Variants in KCNAB2 observed in about 807,000 individuals in gnomAD.
The protein encoded by KCNAB2 is voltage-gated potassium channel subunit beta-2.
A neutral mutation model predicts 63.6 loss-of-function variants in KCNAB2; 29 were observed. That is an observed-to-expected ratio of 0.46 (90% CI 0.34 to 0.62). The LOEUF (loss-of-function observed/expected upper bound fraction) is 0.62. Among genes scored for constraint, KCNAB2 ranks in the 20% least tolerant of loss-of-function variants. KCNAB2 has a pLI of 0.01. For missense variants in KCNAB2, 359 were observed against 563.9 expected (o/e 0.64, Z 3.68); for synonymous variants, 222 against 224.2 (o/e 0.99, Z 0.09).
chr1:6,094,283 C>T, intron 10 of KCNAB2, 117 bp from the exon 11 acceptor site: 3 of 724,730 alleles, frequency 4.1e-6, no homozygotes, highest in Non-Finnish European at 7.1e-6. Context: ...GCTTGCAAGA[C>T]ATCTTCGCAG....
intron 4 of KCNAB2, among the ~76,000 whole-genome samples, chr1:6,077,599 C>G (rs76340057): frequency 1.3e-5 from 2 of 152,208 alleles, no homozygotes; most frequent in Non-Finnish European, 2.9e-5. Flanking sequence ...TGTGATTGGC[C>G]GGGCTTTCCT....
At chr1:6,060,865 T>G (rs1214236091) in intron 2 of KCNAB2, among the ~76,000 whole-genome samples, 1 of 136,328 alleles carries the variant, frequency 7.3e-6, no homozygotes, top group Non-Finnish European at 1.5e-5. Context: ...GTCGCACCAC[T>G]GCACTCCAGC....
At position 6,088,972 on chromosome 1, in the gene KCNAB2, G is replaced by A. The variant is rs375660255; in HGVS notation, c.471-36G>A. On this transcript the variant is annotated intron_variant, in intron 7 of 15. Transcript: ENST00000378083. ...TGGGAGGGGCCAGGGTGCCAAAACC[G>A]CTGGTGACATCACACGCGGTCGGCC... is the stretch of plus-strand genomic sequence containing the variant. 8.6e-4 allele frequency: 1,323 copies of A among 1,545,728 alleles called. 1 individual carries two copies. Among genetic ancestry groups the A allele is most frequent in the Non-Finnish European group, 1.1e-3 (1,231 of 1,143,808 alleles).
In KCNAB2 at chr1:6,074,105, C is replaced by T. The variant is rs146464256; in HGVS notation, c.300+335C>T. Among the ~76,000 whole-genome samples the T allele has an allele frequency of 1.8e-3, 268 of 152,340 alleles. No individual in the cohort carries two copies. Among genetic ancestry groups the T allele is most frequent in the African/African-American group, 5.8e-3 (242 of 41,582 alleles). On this transcript the variant is annotated intron_variant, in intron 4 of 15. Coordinates refer to ENST00000378083, the MANE Select transcript of KCNAB2 (RefSeq NM_001199862.2). This position sits in a 1 kb window ranked among gnomAD's most constrained non-coding sequence, Gnocchi z 4.9. Reference sequence around the variant, plus strand: ...AGGAGAATTCAGGGTGCACACGCTTCCCAAATTCTGAAGCCGGATGCAGGT... The same window carrying T: ...AGGAGAATTCAGGGTGCACACGCTTTCCAAATTCTGAAGCCGGATGCAGGT...
intron 1 of KCNAB2, 71 bp from the exon 2 acceptor site, chr1:6,051,440 C>T (rs992724431): frequency 5.7e-6 from 8 of 1,413,306 alleles, no homozygotes; most frequent in Non-Finnish European, 7.4e-6. Flanking sequence ...GCCCCCTGCC[C>T]CAGGGCCAGC....
chr1:6,079,600 A>C (rs1664025786), intron 4 of KCNAB2, among the ~76,000 whole-genome samples: 1 of 152,152 alleles, frequency 6.6e-6, no homozygotes. Flanking sequence ...TGAGGACATT[A>C]CACTCACTGA....
chr1:6,079,945 A>G (rs977452073), intron 4 of KCNAB2, among the ~76,000 whole-genome samples: 7 of 152,246 alleles, frequency 4.6e-5, no homozygotes, highest in African/African-American at 1.7e-4. Flanking sequence ...AATGAAAGGG[A>G]TCTTCATGAG....
rs555996025 is a variant in KCNAB2, at chr1:6,073,104, C to T, written c.262+306C>T. ...ACAAAATCAGAGGCCCTTAGGGCCC[C>T]GGGAGTGCAACGAAGACACCTTACC... On this transcript the variant is annotated intron_variant, in intron 3 of 15. Transcript: ENST00000378083. The surrounding 1 kb of genome is among the most constrained non-coding windows in gnomAD (Gnocchi z 5.7). 1.8e-4 allele frequency among the ~76,000 whole-genome samples: 28 copies of T among 152,244 alleles called. No homozygotes were observed. The highest frequency in any genetic ancestry group is 4.1e-4 in the South Asian group (2 of 4,828).
rs1174625764 is a variant in KCNAB2, at chr1:5,994,483, C to T, written c.-53+1695C>T. ...ACAGTGTTCGGGCCGCAGCACATCC[C>T]TCGAGAGCAGCATGGTAGGGGCTTC... On this transcript the variant is annotated intron_variant, in intron 1 of 16. Coordinates refer to the KCNAB2 transcript ENST00000341524. This position sits in a 1 kb window ranked among gnomAD's most constrained non-coding sequence, Gnocchi z 5.4. Among the ~76,000 whole-genome samples, 1 of 152,228 alleles carries T rather than the reference C, an allele frequency of 6.6e-6. No homozygotes were observed. Among genetic ancestry groups the T allele is most frequent in the Non-Finnish European group, 1.5e-5 (1 of 68,034 alleles).
At chr1:6,046,978 G>T (rs148940859) in intron 1 of KCNAB2, among the ~76,000 whole-genome samples, 1 of 152,156 alleles carries the variant, frequency 6.6e-6, no homozygotes, top group Non-Finnish European at 1.5e-5. Flanking sequence ...GTTAATTCAC[G>T]TGAATTCCCC....
At chr1:6,004,322 A>G (rs1056386031) in intron 1 of KCNAB2, among the ~76,000 whole-genome samples, 3 of 151,872 alleles carry the variant, frequency 2.0e-5, no homozygotes, top group Non-Finnish European at 2.9e-5. Context: ...TGGCCTCCCA[A>G]GTAGCTGGGA....
Position 6,053,939 on chromosome 1 carries a change from C to T in KCNAB2, c.218+2185C>T, listed in dbSNP as rs181548790. On this transcript the variant is annotated intron_variant, in intron 2 of 15. Coordinates refer to ENST00000378083, the MANE Select transcript of KCNAB2 (RefSeq NM_001199862.2). ...ATGCCTGTGGTCCCAGCTACACAGG[C>T]GGCTGATGCAGGAGGATCACTTGAA... 7.3e-5 allele frequency among the ~76,000 whole-genome samples: 11 copies of T among 151,176 alleles called. No homozygotes were observed. In the East Asian group the frequency reaches 9.8e-4, roughly 13 times the overall value.
intron 1 of KCNAB2, among the ~76,000 whole-genome samples, chr1:6,001,776 G>C (rs2102544626): frequency 6.6e-6 from 1 of 152,270 alleles, no homozygotes; most frequent in Middle Eastern, 3.4e-3. Context: ...GGTAGGACTG[G>C]GTCCTAGGCT....
chr1:6,098,759 T>C lies in KCNAB2; in HGVS notation c.*185T>C. ...CACCACCCACTGCTTCGCCGGACAA[T>C]GTCGAAGTCCAGTCTGTGCCGGGGA... On this transcript the variant is annotated 3_prime_UTR_variant, in exon 16 of 16. Coordinates refer to ENST00000378083, the MANE Select transcript of KCNAB2 (RefSeq NM_001199862.2). 1 of 720,894 alleles carries C rather than the reference T, an allele frequency of 1.4e-6. No individual in the cohort carries two copies. Among genetic ancestry groups the C allele is most frequent in the Non-Finnish European group, 2.2e-6 (1 of 450,546 alleles). The allele number at this position is 720,894 out of a possible 1,614,324, so 44.7% of individuals were successfully genotyped here. A position where few individuals can be genotyped will look rare whatever the true frequency, so the allele number is the denominator to read the frequency against.
intron 1 of KCNAB2, among the ~76,000 whole-genome samples, chr1:6,021,749 T>C (rs889404970): frequency 2.0e-5 from 3 of 151,094 alleles, no homozygotes; most frequent in Non-Finnish European, 4.4e-5. Context: ...TTCGGTGGTA[T>C]TGAGTGTACA....
intron 10 of KCNAB2, among the ~76,000 whole-genome samples, chr1:6,092,480 G>GAGGGAGAGA (rs1472637643): frequency 6.6e-6 from 1 of 152,260 alleles, no homozygotes; most frequent in East Asian, 1.9e-4. Context: ...AGGGAACGGG[G>GAGGGAGAGA]CTGGCCTTGG....
At chr1:6,027,837 C>T (rs1179221791) in intron 1 of KCNAB2, among the ~76,000 whole-genome samples, 1 of 152,228 alleles carries the variant, frequency 6.6e-6, no homozygotes, top group Non-Finnish European at 1.5e-5. Context: ...CTGGTCCCCT[C>T]GGCTCAGGCC....
chr1:6,048,305 AT>A (rs1046710566), intron 1 of KCNAB2, among the ~76,000 whole-genome samples: 1 of 152,162 alleles, frequency 6.6e-6, no homozygotes, highest in Non-Finnish European at 1.5e-5. Context: ...TTGGTGTCTT[AT>A]CCCACGCCCC....
chr1:6,012,027 A>G (rs1247944003), intron 1 of KCNAB2, among the ~76,000 whole-genome samples: 1 of 148,178 alleles, frequency 6.7e-6, no homozygotes, highest in Non-Finnish European at 1.5e-5. Context: ...GGTGGAGGTG[A>G]TGGAGGTGAA....
Sources: gnomAD v4.1 joint callset for allele counts (sites outside exome capture counted in the v4.1 genomes callset) on GRCh38, gnomAD v4.1.1 for gene constraint, Gnocchi (gnomAD v3.1) non-coding constraint, MANE v1.5 for transcripts, NCBI Gene and HGNC (gene_info 2026-07-23, HGNC 2026-07-21) for gene names.